Variants in ADGRL3 observed in about 807,000 individuals in gnomAD.
ADGRL3 encodes the protein calcium-independent alpha-latrotoxin receptor 3.
ADGRL3 carries 62 observed loss-of-function variants against 153.5 expected under a neutral mutation model. The ratio of observed to expected loss-of-function variants is 0.40; its 90% CI spans 0.33 to 0.50. The LOEUF is 0.50. Among genes scored for constraint, ADGRL3 ranks in the 20% least tolerant of loss-of-function variants. The pLI, the probability that ADGRL3 is intolerant of heterozygous loss-of-function variation, is 0.47. For missense variants in ADGRL3, 1,641 were observed against 1,859.4 expected (o/e 0.88, Z 2.16); for synonymous variants, 710 against 672.5 (o/e 1.06, Z -0.86).
chr4:61,586,005 A>C (rs1477696546), intron 4 of ADGRL3, among the ~76,000 whole-genome samples: 1 of 152,072 alleles, frequency 6.6e-6, no homozygotes, highest in East Asian at 1.9e-4. Context: ...AAGGTCAATA[A>C]ACATATGAAA....
chr4:61,882,843 C>T (rs1033107239), intron 9 of ADGRL3, among the ~76,000 whole-genome samples: 3 of 152,204 alleles, frequency 2.0e-5, no homozygotes, highest in African/African-American at 4.8e-5. Context: ...TGGTGGCTCA[C>T]GCCTATAATC....
chr4:61,418,857 T>C (rs545446623), intron 2 of ADGRL3, among the ~76,000 whole-genome samples: 17 of 150,766 alleles, frequency 1.1e-4, no homozygotes, highest in Non-Finnish European at 1.9e-4. Context: ...ACAGGTAGCA[T>C]ACAGTAACAT....
At chr4:61,908,557 G>A (rs1042798426) in intron 11 of ADGRL3, among the ~76,000 whole-genome samples, 2 of 147,610 alleles carry the variant, frequency 1.4e-5, no homozygotes, top group Admixed American at 6.9e-5. Flanking sequence ...GCAGTGAGCC[G>A]AGATCATGCC....
chr4:61,852,070 G>A (rs1164219722), intron 9 of ADGRL3, among the ~76,000 whole-genome samples: 5 of 152,082 alleles, frequency 3.3e-5, no homozygotes, highest in Admixed American at 6.5e-5. Flanking sequence ...GGGAATCTTC[G>A]AGGGTGGAAA....
intron 6 of ADGRL3, among the ~76,000 whole-genome samples, chr4:61,681,286 C>A: frequency 6.6e-6 from 1 of 152,132 alleles, no homozygotes; most frequent in East Asian, 1.9e-4. Flanking sequence ...TTGTATCCTG[C>A]TGACAAATTG....
chr4:61,288,846 A>G (rs2094050868), intron 1 of ADGRL3, among the ~76,000 whole-genome samples: 1 of 152,002 alleles, frequency 6.6e-6, no homozygotes, highest in Non-Finnish European at 1.5e-5. Context: ...CAGCGGTTCT[A>G]AATTTTTAGG....
At chr4:61,455,709 T>C (rs991588897) in intron 2 of ADGRL3, among the ~76,000 whole-genome samples, 2 of 152,060 alleles carry the variant, frequency 1.3e-5, no homozygotes, top group Non-Finnish European at 2.9e-5. Flanking sequence ...ATGTAATAAA[T>C]AGTATTATTA....
chr4:61,709,152 A>G (rs1022872592), intron 6 of ADGRL3, among the ~76,000 whole-genome samples: 2 of 151,948 alleles, frequency 1.3e-5, no homozygotes, highest in East Asian at 3.9e-4. Context: ...AAAATTTCCT[A>G]ATTTGTTATA....
intron 2 of ADGRL3, among the ~76,000 whole-genome samples, chr4:61,423,783 A>G (rs923106264): frequency 1.3e-5 from 2 of 152,144 alleles, no homozygotes; most frequent in Admixed American, 6.5e-5. Flanking sequence ...TTGTTTTGGA[A>G]TTTAGAACCA....
intron 2 of ADGRL3, among the ~76,000 whole-genome samples, chr4:61,390,626 A>G (rs1446086027): frequency 1.3e-5 from 2 of 152,254 alleles, no homozygotes; most frequent in African/African-American, 2.4e-5. Flanking sequence ...GAATTAACAA[A>G]TAGATACACC....
chr4:62,070,067 T>C, intron 26 of ADGRL3, 42 bp from the exon 27 acceptor site: 1 of 1,516,328 alleles, frequency 6.6e-7, no homozygotes, highest in Non-Finnish European at 9.1e-7. Context: ...GTTCTATGGC[T>C]TGTTGGATAT....
chr4:61,251,223 A>T (rs1025671751), intron 1 of ADGRL3, among the ~76,000 whole-genome samples: 1 of 152,162 alleles, frequency 6.6e-6, no homozygotes. Context: ...GCCTGGAATC[A>T]TCTGGAGGCT....
chr4:61,321,202 C>A (rs1369990028), intron 1 of ADGRL3, among the ~76,000 whole-genome samples: 2 of 152,178 alleles, frequency 1.3e-5, no homozygotes, highest in African/African-American at 4.8e-5. Flanking sequence ...GCATGGGCAT[C>A]TTTGGTGGGC....
Position 61,775,873 on chromosome 4 carries a change from C to T in ADGRL3, c.1400-37936C>T, listed in dbSNP as rs577958815. 5.7e-4 allele frequency: 242 copies of T among 422,038 alleles called. 1 individual carries two copies. Among genetic ancestry groups the T allele is most frequent in the African/African-American group, 4.6e-3 (222 of 48,254 alleles). 26.1% of individuals were successfully genotyped at this position (422,038 alleles called of 1,614,324 possible). A position where few individuals can be genotyped will look rare whatever the true frequency, so the allele number is the denominator to read the frequency against. On this transcript the variant is annotated intron_variant, in intron 8 of 26. Transcript: ENST00000683033. ...CATGGCGGTGGGTTACCGGTGAAGA[C>T]GAATCTTGTTTTTATTTATTTATTT...
At chr4:62,027,157 A>G (rs1719142665) in intron 21 of ADGRL3, among the ~76,000 whole-genome samples, 1 of 152,058 alleles carries the variant, frequency 6.6e-6, no homozygotes, top group African/African-American at 2.4e-5. Flanking sequence ...TGTTTTATAA[A>G]TTTTTGATGG....
intron 2 of ADGRL3, among the ~76,000 whole-genome samples, chr4:61,492,691 AT>A (rs2098271130): frequency 6.6e-6 from 1 of 152,180 alleles, no homozygotes; most frequent in Non-Finnish European, 1.5e-5. Flanking sequence ...TAACAAAAAA[AT>A]TTGAAATTCT....
intron 17 of ADGRL3, among the ~76,000 whole-genome samples, chr4:61,973,271 T>C (rs571022599): frequency 6.6e-6 from 1 of 152,072 alleles, no homozygotes; most frequent in African/African-American, 2.4e-5. Flanking sequence ...TTAGTATCAT[T>C]GAGTGTACCT....
intron 8 of ADGRL3, among the ~76,000 whole-genome samples, chr4:61,762,618 A>T (rs1012944403): frequency 2.6e-5 from 4 of 152,178 alleles, no homozygotes; most frequent in African/African-American, 7.2e-5. Flanking sequence ...AAGTTAAATA[A>T]CTGTGAAAAA....
At chr4:61,826,418 A>G (rs1334611086) in intron 9 of ADGRL3, among the ~76,000 whole-genome samples, 1 of 152,188 alleles carries the variant, frequency 6.6e-6, no homozygotes. Flanking sequence ...CAAGATTTCT[A>G]TTCTCATGGA....
Sources: gnomAD v4.1 joint callset for allele counts (sites outside exome capture counted in the v4.1 genomes callset) on GRCh38, gnomAD v4.1.1 for gene constraint, MANE v1.5 for transcripts, NCBI Gene and HGNC (gene_info 2026-07-23, HGNC 2026-07-21) for gene names.